The following LIMCH1 variants were observed in gnomAD, a reference collection of about 807,000 sequenced individuals.
LIMCH1 encodes the protein LIM and calponin homology domains 1.
Under a neutral mutation model 176.5 loss-of-function variants are expected in LIMCH1, and 113 were observed. The ratio of observed to expected loss-of-function variants is 0.64; its 90% CI spans 0.55 to 0.75. The LOEUF (loss-of-function observed/expected upper bound fraction) is 0.75. Ranked by LOEUF, LIMCH1 falls within the 30% of genes least tolerant of loss-of-function variation. The pLI is 0.00. For synonymous variants in LIMCH1, 619 were observed against 645.9 expected (o/e 0.96, Z 0.63); for missense variants, 1,674 against 1,814.9 (o/e 0.92, Z 1.41).
intron 1 of LIMCH1, among the ~76,000 whole-genome samples, chr4:41,593,215 A>T (rs1424152836): frequency 2.0e-5 from 3 of 152,250 alleles, no homozygotes; most frequent in African/African-American, 7.2e-5. Flanking sequence ...GCAAGCCCAC[A>T]AATCAATGAA....
At position 41,471,116 on chromosome 4, in the gene LIMCH1, CAT is replaced by C. The variant is rs779241295; in HGVS notation, c.97-23419_97-23418del. ...TTGTTAGTAGAAATCTTAAAATAGT[CAT>C]GTGAAAAATAACAGAAATTGTAGAA... On this transcript the variant is annotated intron_variant, in intron 1 of 26. Transcript: ENST00000313860. Among the ~76,000 whole-genome samples the C allele has an allele frequency of 4.0e-5, 6 of 149,038 alleles. No homozygotes were observed. The East Asian group carries it at 1.2e-3, about 29-fold the overall frequency.
chr4:41,402,437 A>G (rs2058545771), intron 1 of LIMCH1, among the ~76,000 whole-genome samples: 1 of 149,212 alleles, frequency 6.7e-6, no homozygotes, highest in African/African-American at 2.5e-5. Context: ...AGGGATCTAG[A>G]ACTAGAAATA....
chr4:41,493,402 T>G (rs1310096080), intron 1 of LIMCH1, among the ~76,000 whole-genome samples: 2 of 151,644 alleles, frequency 1.3e-5, no homozygotes, highest in African/African-American at 4.8e-5. Context: ...GGCTTCCGTA[T>G]CCATGAGTTC....
chr4:41,501,225 AT>A (rs770482502), intron 2 of LIMCH1, among the ~76,000 whole-genome samples: 5 of 152,236 alleles, frequency 3.3e-5, no homozygotes, highest in Non-Finnish European at 5.9e-5. Flanking sequence ...AGTAAAGATT[AT>A]TTCTTTGAAA....
Position 41,633,581 on chromosome 4 carries a change from A to C in LIMCH1, c.1863A>C (p.Ser621=). The change falls in exon 13 of 32, where the codon TCA becomes TCC. Residue 621 remains serine, a synonymous_variant. Transcript: ENST00000503057. ...CTCTGGCCTCTGAGTGTGAGGCTTC[A>C]GGGACAGAAGAGAAGTTGGAGAAGA... The part of the protein sequence containing the change: ...VCPLASECEA[S]GTEEKLEKMT... The C allele has an allele frequency of 1.3e-6, 2 of 1,536,150 alleles. No homozygotes were observed. The highest frequency in any genetic ancestry group is 1.7e-6 in the Non-Finnish European group (2 of 1,146,918).
chr4:41,650,521 G>T lies in LIMCH1; in HGVS notation c.2949G>T (p.Val983=), dbSNP rs547241284. The T allele has an allele frequency of 6.2e-7, 1 of 1,614,074 alleles. No homozygotes were observed. The highest frequency in any genetic ancestry group is 8.5e-7 in the Non-Finnish European group (1 of 1,180,014). Residue 983 remains valine (V), a synonymous_variant, in exon 18 of 32, where the codon GTG becomes GTT. Coordinates refer to ENST00000503057, the MANE Select transcript of LIMCH1 (RefSeq NM_001330672.2). ...KSQMFEGVAR[V]HGSPLELKQD... The stretch of plus-strand genomic sequence containing the variant: ...AGATGTTTGAAGGTGTGGCCAGAGT[G>T]CACGGGTCTCCACTGGAGCTGAAAC...
chr4:41,604,342 T>A, intron 3 of LIMCH1: 1 of 450,518 alleles, frequency 2.2e-6, no homozygotes, highest in Non-Finnish European at 2.9e-6. Context: ...TGTTCTCCTT[T>A]AAATCTTTTG....
chr4:41,609,232 C>A (rs2091123110), intron 4 of LIMCH1, among the ~76,000 whole-genome samples: 1 of 99,788 alleles, frequency 1.0e-5, no homozygotes, highest in Non-Finnish European at 2.2e-5. Flanking sequence ...AGTCCCTCAA[C>A]CCACCTTATG....
chr4:41,377,078 C>T (rs2154100657), intron 1 of LIMCH1, among the ~76,000 whole-genome samples: 1 of 152,258 alleles, frequency 6.6e-6, no homozygotes, highest in Non-Finnish European at 1.5e-5. Context: ...TACAATATTG[C>T]AGCATAACAA....
chr4:41,634,184 T>A (rs2093464993), intron 13 of LIMCH1, among the ~76,000 whole-genome samples: 1 of 152,220 alleles, frequency 6.6e-6, no homozygotes, highest in South Asian at 2.1e-4. Flanking sequence ...GTAATTATAT[T>A]AATTTTTCAA....
At chr4:41,399,315 A>G (rs1376810561) in intron 1 of LIMCH1, among the ~76,000 whole-genome samples, 2 of 152,292 alleles carry the variant, frequency 1.3e-5, no homozygotes, top group African/African-American at 4.8e-5. Context: ...CCATAAGAAT[A>G]GAGAGGATGA....
chr4:41,419,898 G>C (rs549762175), intron 1 of LIMCH1, among the ~76,000 whole-genome samples: 16 of 151,068 alleles, frequency 1.1e-4, no homozygotes, highest in African/African-American at 3.7e-4. Context: ...ATATAACTTC[G>C]AACCAGATGG....
At chr4:41,693,227 A>T (rs2153091588) in intron 31 of LIMCH1, 1 of 152,340 alleles carries the variant, frequency 6.6e-6, no homozygotes, top group South Asian at 2.1e-4. Flanking sequence ...AATTGGAGTG[A>T]AGATAGGGAG....
intron 1 of LIMCH1, among the ~76,000 whole-genome samples, chr4:41,379,046 T>C (rs958798721): frequency 3.3e-5 from 5 of 152,230 alleles, no homozygotes; most frequent in African/African-American, 4.8e-5. Flanking sequence ...TAGTTATTGG[T>C]GCATAATAGA....
Position 41,482,116 on chromosome 4 carries a change from C to T in LIMCH1, c.97-12420C>T, listed in dbSNP as rs535584000. Among the ~76,000 whole-genome samples the T allele has an allele frequency of 1.2e-4, 19 of 152,304 alleles. 1 individual carries two copies. The South Asian group carries it at 1.9e-3, about 15-fold the overall frequency. On this transcript the variant is annotated intron_variant, in intron 1 of 26. Transcript: ENST00000313860. ...TCTGCCTGCCTATGCGATCTGCCTG[C>T]CTTGGCCTCCCAAAGTGCTGGGATT...
At chr4:41,501,549 T>G (rs576650617) in intron 2 of LIMCH1, among the ~76,000 whole-genome samples, 2 of 152,318 alleles carry the variant, frequency 1.3e-5, no homozygotes, top group African/African-American at 2.4e-5. Flanking sequence ...CAGCCCTTCT[T>G]TTGTTTCTTC....
rs996449556 is a variant in LIMCH1, at chr4:41,699,045, G to C, written c.*1860G>C. On this transcript the variant is annotated 3_prime_UTR_variant, in exon 32 of 32. Transcript: ENST00000503057. ...ATTGTTTTGAAAATGTACAGATCAA[G>C]TCCAATATTTTGATTATCCACCTGC... is the stretch of plus-strand genomic sequence containing the variant. 6.6e-6 allele frequency: 1 copy of C among 152,018 alleles called. No homozygotes were observed. The highest frequency in any genetic ancestry group is 1.5e-5 in the Non-Finnish European group (1 of 67,952). 9.4% of individuals were successfully genotyped at this position (152,018 alleles called of 1,614,324 possible). A position where few individuals can be genotyped will look rare whatever the true frequency, so the allele number is the denominator to read the frequency against.
chr4:41,470,691 A>C (rs150586123), intron 1 of LIMCH1, among the ~76,000 whole-genome samples: 1 of 152,162 alleles, frequency 6.6e-6, no homozygotes, highest in African/African-American at 2.4e-5. Context: ...AATTTGGACT[A>C]TTAACCACGC....
intron 4 of LIMCH1, among the ~76,000 whole-genome samples, chr4:41,611,491 C>A (rs1007360064): frequency 3.3e-5 from 5 of 152,184 alleles, no homozygotes; most frequent in African/African-American, 1.2e-4. Context: ...AGAGAAGATG[C>A]TGATGGTGGA....
Sources: allele counts gnomAD v4.1 joint callset (sites outside exome capture counted in the v4.1 genomes callset), GRCh38; gene constraint gnomAD v4.1.1; transcripts MANE v1.5; gene names NCBI Gene and HGNC (gene_info 2026-07-23, HGNC 2026-07-21).